SLC26A3: variants seen among roughly 807,000 people sequenced by gnomAD.
The protein encoded by SLC26A3 is chloride anion exchanger.
SLC26A3 carries 64 observed loss-of-function variants against 85.6 expected under a neutral mutation model. That is an observed-to-expected ratio of 0.75 (90% CI 0.61 to 0.92). The LOEUF is 0.92. SLC26A3 is among the 40% of genes least tolerant of loss of function. The pLI is 0.00. For missense variants in SLC26A3, 922 were observed against 927.3 expected (o/e 0.99, Z 0.07); for synonymous variants, 349 against 336.0 (o/e 1.04, Z -0.42).
At chr7:107,778,716 G>A (rs748427829) in intron 12 of SLC26A3, among the ~76,000 whole-genome samples, 24 of 152,068 alleles carry the variant, frequency 1.6e-4, no homozygotes, top group Non-Finnish European at 1.0e-4. Context: ...TAGACTGGGC[G>A]TGAAGGCTCA....
intron 3 of SLC26A3, among the ~76,000 whole-genome samples, chr7:107,792,680 G>A (rs1046105168): frequency 6.6e-6 from 1 of 152,120 alleles, no homozygotes; most frequent in Non-Finnish European, 1.5e-5. Context: ...GACCTGTACT[G>A]GTCTGTGGCC....
intron 13 of SLC26A3, 114 bp from the exon 14 acceptor site, chr7:107,776,820 G>A (rs1450021942): frequency 2.1e-6 from 2 of 942,750 alleles, no homozygotes; most frequent in Non-Finnish European, 3.4e-6. Context: ...AATGTAAAAG[G>A]TTGGGGAATC....
chr7:107,772,710 A>G (rs528287322), intron 17 of SLC26A3, among the ~76,000 whole-genome samples: 14 of 152,288 alleles, frequency 9.2e-5, no homozygotes, highest in African/African-American at 3.4e-4. Context: ...CACTTAACTA[A>G]GAATTAGAGC....
chr7:107,772,187 C>A (rs1417524103), intron 17 of SLC26A3, 79 bp from the exon 18 acceptor site: 17 of 823,236 alleles, frequency 2.1e-5, no homozygotes, highest in South Asian at 1.4e-5. Flanking sequence ...CAGAATTATA[C>A]CTTACGGGTG....
intron 8 of SLC26A3, among the ~76,000 whole-genome samples, chr7:107,786,091 GT>G (rs1794289678): frequency 1.3e-5 from 2 of 152,182 alleles, no homozygotes; most frequent in Non-Finnish European, 2.9e-5. Context: ...CTCTGCCCTT[GT>G]TTTGAATCTG....
chr7:107,789,750 G>C (rs1404440143), intron 5 of SLC26A3, 62 bp from the exon 6 acceptor site: 1 of 1,500,714 alleles, frequency 6.7e-7, no homozygotes, highest in African/African-American at 1.4e-5. Flanking sequence ...CAAACTCAAG[G>C]ATCCGCAACT....
intron 12 of SLC26A3, 79 bp from the exon 13 acceptor site, chr7:107,778,360 CTT>C (rs10681903): frequency 7.0e-3 from 3,203 of 459,562 alleles, no homozygotes; most frequent in Middle Eastern, 0.011. Flanking sequence ...TTTAAAAAGA[CTT>C]TTTTTTTTTT....
At chr7:107,792,065 TTAAAGATG>T in intron 3 of SLC26A3, 125 bp from the exon 4 acceptor site, 1 of 650,848 alleles carries the variant, frequency 1.5e-6, no homozygotes, top group Non-Finnish European at 2.8e-6. Flanking sequence ...TCAAAATGTA[TTAAAGATG>T]TAAATGTAAG....
intron 15 of SLC26A3, chr7:107,775,989 T>C: frequency 4.5e-6 from 1 of 223,200 alleles, no homozygotes; most frequent in Non-Finnish European, 8.9e-6. Flanking sequence ...GACTGCTTCC[T>C]TGTCATCATC....
At chr7:107,792,975 A>C (rs996302009) in intron 3 of SLC26A3, among the ~76,000 whole-genome samples, 3 of 152,226 alleles carry the variant, frequency 2.0e-5, no homozygotes, top group Non-Finnish European at 4.4e-5. Flanking sequence ...TGGCCAATAA[A>C]CACCTGGAAA....
intron 18 of SLC26A3, among the ~76,000 whole-genome samples, chr7:107,770,040 TTCTTTC>T (rs996240244): frequency 1.5e-5 from 2 of 135,134 alleles, no homozygotes; most frequent in Non-Finnish European, 3.1e-5. Flanking sequence ...CTTTCTTTCT[TTCTTTC>T]TTTCTCTTTT....
intron 16 of SLC26A3, 143 bp from the exon 17 acceptor site, chr7:107,774,296 C>A (rs941248014): frequency 1.4e-6 from 1 of 723,752 alleles, no homozygotes; most frequent in Non-Finnish European, 2.5e-6. Flanking sequence ...TCATGCCTGT[C>A]ATCCCAGCAC....
chr7:107,799,409 A>G (rs904931265), intron 1 of SLC26A3, among the ~76,000 whole-genome samples: 1 of 151,946 alleles, frequency 6.6e-6, no homozygotes, highest in Non-Finnish European at 1.5e-5. Context: ...TTTGAGACAG[A>G]GTCTTGCTCT....
At chr7:107,798,470 C>T (rs1372879768) in intron 1 of SLC26A3, among the ~76,000 whole-genome samples, 2 of 152,184 alleles carry the variant, frequency 1.3e-5, no homozygotes, top group Non-Finnish European at 2.9e-5. Flanking sequence ...TCTTTTGGCC[C>T]TGACCTTTCC....
intron 16 of SLC26A3, 59 bp from the exon 17 acceptor site, chr7:107,774,212 G>C: frequency 1.5e-6 from 2 of 1,305,346 alleles, no homozygotes; most frequent in Non-Finnish European, 2.2e-6. Context: ...GTGTATGTCA[G>C]AGATAGCCAG....
At chr7:107,776,901 G>C in intron 13 of SLC26A3, 195 bp from the exon 14 acceptor site, 2 of 644,350 alleles carry the variant, frequency 3.1e-6, no homozygotes, top group Non-Finnish European at 5.5e-6. Context: ...CACAGCACCT[G>C]AAAAGTGCCT....
intron 18 of SLC26A3, among the ~76,000 whole-genome samples, chr7:107,770,138 CTCTT>C (rs1214844565): frequency 3.0e-5 from 2 of 66,998 alleles, no homozygotes; most frequent in Non-Finnish European, 6.3e-5. Flanking sequence ...CTTTCTTTCT[CTCTT>C]TCTTTTCTTT....
At chr7:107,781,303 G>A (rs1794212142) in intron 11 of SLC26A3, among the ~76,000 whole-genome samples, 1 of 152,134 alleles carries the variant, frequency 6.6e-6, no homozygotes, top group Admixed American at 6.6e-5. Flanking sequence ...TTTATTATGG[G>A]TTATTTTGCC....
intron 3 of SLC26A3, among the ~76,000 whole-genome samples, chr7:107,793,180 G>C (rs552786579): frequency 6.6e-6 from 1 of 152,338 alleles, no homozygotes; most frequent in Middle Eastern, 3.4e-3. Flanking sequence ...TAAGTTAGCA[G>C]TTCCACAAAT....
Sources: allele counts gnomAD v4.1 joint callset (sites outside exome capture counted in the v4.1 genomes callset), GRCh38; gene constraint gnomAD v4.1.1; transcripts MANE v1.5; gene names NCBI Gene and HGNC (gene_info 2026-07-23, HGNC 2026-07-21).